The following PDE1A variants were observed in gnomAD, a reference collection of about 807,000 sequenced individuals.
PDE1A encodes the protein dual specificity calcium/calmodulin-dependent 3',5'-cyclic nucleotide phosphodiesterase 1A.
PDE1A carries 35 observed loss-of-function variants against 61.7 expected under a neutral mutation model. The observed-to-expected ratio is 0.57, with a 90% CI of 0.43 to 0.75. PDE1A has a LOEUF of 0.75. Among genes scored for constraint, PDE1A ranks in the 30% least tolerant of loss-of-function variants. The pLI is 0.00. For missense variants in PDE1A, 597 were observed against 630.6 expected (o/e 0.95, Z 0.57); for synonymous variants, 232 against 213.2 (o/e 1.09, Z -0.77).
At chr2:182,316,696 T>C (rs1696359957) in intron 1 of PDE1A, among the ~76,000 whole-genome samples, 1 of 152,170 alleles carries the variant, frequency 6.6e-6, no homozygotes, top group African/African-American at 2.4e-5. Context: ...TGCATGACAA[T>C]AAATATTGTA....
the PDE1A span, among the ~76,000 whole-genome samples, chr2:182,656,582 A>C: frequency 6.6e-6 from 1 of 152,226 alleles, no homozygotes; most frequent in African/African-American, 2.4e-5. Flanking sequence ...GTTCTGCAGA[A>C]AATGGAAACG....
exon 14 of PDE1A, chr2:182,147,077 G>A: frequency 6.3e-7 from 1 of 1,590,726 alleles, no homozygotes; most frequent in Non-Finnish European, 8.6e-7. Flanking sequence ...GGTGTTTCGG[G>A]CCTATGAATG....
chr2:182,689,551 C>T, the PDE1A span, among the ~76,000 whole-genome samples: 5 of 152,056 alleles, frequency 3.3e-5, no homozygotes, highest in Admixed American at 6.5e-5. Context: ...AAATTTATAG[C>T]GCTAAATGCC....
intron 1 of PDE1A, among the ~76,000 whole-genome samples, chr2:182,364,135 TG>T (rs953737840): frequency 1.3e-5 from 2 of 151,908 alleles, no homozygotes; most frequent in African/African-American, 4.8e-5. Flanking sequence ...AACAAGGATA[TG>T]TTGGCTCTAA....
chr2:182,183,128 T>C lies in PDE1A; in HGVS notation c.1516+2764A>G, dbSNP rs1459736777. ...TAGCGCTTAGTACTCTAGACACTTC[T>C]AAGCAAATTATATTAATAAACTCAT... On this transcript the variant is annotated intron_variant, in intron 13 of 13. Transcript: ENST00000351439. Among the ~76,000 whole-genome samples, 3 of 152,196 alleles carry C rather than the reference T, an allele frequency of 2.0e-5. No homozygotes were observed. The East Asian group carries it at 5.8e-4, about 29-fold the overall frequency.
At chr2:182,332,390 C>T (rs1012908885) in intron 1 of PDE1A, among the ~76,000 whole-genome samples, 4 of 152,132 alleles carry the variant, frequency 2.6e-5, no homozygotes, top group Non-Finnish European at 5.9e-5. Context: ...GTTTTGTTCC[C>T]TTGCTGGCAA....
the PDE1A span, among the ~76,000 whole-genome samples, chr2:182,614,777 G>A: frequency 6.6e-6 from 1 of 152,056 alleles, no homozygotes; most frequent in African/African-American, 2.4e-5. Flanking sequence ...GGCTGGTCTT[G>A]AACTCCTAAC....
chr2:182,286,356 T>C (rs1193276296), intron 1 of PDE1A, among the ~76,000 whole-genome samples: 1 of 152,160 alleles, frequency 6.6e-6, no homozygotes, highest in Non-Finnish European at 1.5e-5. Flanking sequence ...TTTTATTTTA[T>C]CTCCTGTATA....
chr2:182,520,059 T>C (rs1215800343), intron 2 of PDE1A, among the ~76,000 whole-genome samples: 1 of 151,916 alleles, frequency 6.6e-6, no homozygotes, highest in Non-Finnish European at 1.5e-5. Flanking sequence ...AACTTAAGTG[T>C]AGAATTCTAG....
chr2:182,377,477 C>G (rs1426326955), intron 1 of PDE1A, among the ~76,000 whole-genome samples: 2 of 152,134 alleles, frequency 1.3e-5, no homozygotes, highest in Non-Finnish European at 2.9e-5. Flanking sequence ...CTATAAATTA[C>G]CCAGTCTCAG....
intron 1 of PDE1A, among the ~76,000 whole-genome samples, chr2:182,375,900 G>T (rs1417856584): frequency 6.6e-6 from 1 of 152,238 alleles, no homozygotes; most frequent in African/African-American, 2.4e-5. Context: ...CTGCCAAGGG[G>T]TGGCTTGCAC....
the PDE1A span, among the ~76,000 whole-genome samples, chr2:182,685,742 A>G: frequency 6.6e-6 from 1 of 152,154 alleles, no homozygotes; most frequent in Non-Finnish European, 1.5e-5. Flanking sequence ...ACCCTAAACC[A>G]AAGTGTTACA....
At chr2:182,678,648 T>G in the PDE1A span, among the ~76,000 whole-genome samples, 2 of 152,128 alleles carry the variant, frequency 1.3e-5, no homozygotes, top group Non-Finnish European at 2.9e-5. Flanking sequence ...TCCATAGAAT[T>G]TATCAAAACA....
At chr2:182,257,270 T>C (rs1691887607) in intron 2 of PDE1A, among the ~76,000 whole-genome samples, 1 of 152,214 alleles carries the variant, frequency 6.6e-6, no homozygotes. Flanking sequence ...ATTAGTGGGA[T>C]AACATGGTAG....
chr2:182,207,659 A>G (rs539845178), intron 7 of PDE1A, among the ~76,000 whole-genome samples: 1 of 152,348 alleles, frequency 6.6e-6, no homozygotes, highest in African/African-American at 2.4e-5. Flanking sequence ...AAATTTGCAT[A>G]CGTAAAGAGA....
intron 1 of PDE1A, among the ~76,000 whole-genome samples, chr2:182,375,147 A>C (rs1700325222): frequency 6.6e-6 from 1 of 152,160 alleles, no homozygotes; most frequent in Admixed American, 6.5e-5. Flanking sequence ...GAGCCAAACC[A>C]CATCATTCTG....
the PDE1A span, among the ~76,000 whole-genome samples, chr2:182,679,194 T>TTATTA: frequency 1.4e-5 from 2 of 146,690 alleles, no homozygotes; most frequent in African/African-American, 2.5e-5. Flanking sequence ...TATTATTATT[T>TTATTA]TTTTTTTGAC....
chr2:182,280,937 G>A (rs549183554), intron 1 of PDE1A, among the ~76,000 whole-genome samples: 36 of 151,886 alleles, frequency 2.4e-4, no homozygotes, highest in African/African-American at 6.5e-4. Context: ...TAACAATGAC[G>A]AAACAGATAA....
the PDE1A span, among the ~76,000 whole-genome samples, chr2:182,559,826 G>A: frequency 6.6e-6 from 1 of 152,084 alleles, no homozygotes; most frequent in East Asian, 1.9e-4. Context: ...AAACAAAACA[G>A]GATGACTCGC....
Sources: allele counts gnomAD v4.1 joint callset (sites outside exome capture counted in the v4.1 genomes callset), GRCh38; gene constraint gnomAD v4.1.1; transcripts MANE v1.5; gene names NCBI Gene and HGNC (gene_info 2026-07-23, HGNC 2026-07-21).